The following RXYLT1 variants were observed in gnomAD, a reference collection of about 807,000 sequenced individuals.
RXYLT1 encodes the protein ribitol-5-phosphate xylosyltransferase 1.
Under a neutral mutation model 43.5 loss-of-function variants are expected in RXYLT1, and 41 were observed. The observed-to-expected ratio is 0.94, with a 90% confidence interval of 0.73 to 1.22. RXYLT1 has a LOEUF of 1.22. Ranked by LOEUF, RXYLT1 falls within the 50% of genes most tolerant of loss-of-function variation. The pLI, the probability that RXYLT1 is intolerant of heterozygous loss-of-function variation, is 0.00. For missense variants in RXYLT1, 514 were observed against 532.0 expected, an observed-to-expected ratio of 0.97 and a Z score of 0.33; for synonymous variants, 166 against 194.4, an observed-to-expected ratio of 0.85 and a Z score of 1.21.
intron 3 of RXYLT1, 153 bp downstream of exon 3, chr12:63,785,225 T>C: frequency 4.5e-6 from 2 of 449,230 alleles, no homozygotes; most frequent in Non-Finnish European, 7.6e-6. Flanking sequence ...CTCATGAATA[T>C]GTATTCATAA....
intron 3 of RXYLT1, among the ~76,000 whole-genome samples, chr12:63,792,797 G>A (rs901982804): frequency 6.6e-6 from 1 of 152,226 alleles, no homozygotes; most frequent in African/African-American, 2.4e-5. Flanking sequence ...GACTAGTAAA[G>A]ATGGGATTGA....
chr12:63,787,243 A>G (rs1183770817), intron 3 of RXYLT1, among the ~76,000 whole-genome samples: 4 of 152,192 alleles, frequency 2.6e-5, no homozygotes, highest in Admixed American at 2.6e-4. Flanking sequence ...AGTAGATTCC[A>G]TCTCAGGAAA....
intron 3 of RXYLT1, among the ~76,000 whole-genome samples, chr12:63,792,359 C>G (rs1339002881): frequency 6.6e-6 from 1 of 151,292 alleles, no homozygotes; most frequent in Middle Eastern, 3.2e-3. Flanking sequence ...GAAACTCTTT[C>G]TCTCTCATCA....
At chr12:63,785,878 A>AT (rs1356870819) in intron 3 of RXYLT1, among the ~76,000 whole-genome samples, 1 of 152,108 alleles carries the variant, frequency 6.6e-6, no homozygotes, top group African/African-American at 2.4e-5. Flanking sequence ...GTTAACCTCA[A>AT]TTTTGTTCTA....
chr12:63,780,837 T>TA (rs760419233), intron 1 of RXYLT1, among the ~76,000 whole-genome samples, 182 bp from the exon 2 acceptor site: 2 of 152,204 alleles, frequency 1.3e-5, no homozygotes, highest in Non-Finnish European at 2.9e-5. Context: ...AAAAGTTCAG[T>TA]AAAAAAATTG....
At chr12:63,789,434 C>T (rs1897874593) in intron 3 of RXYLT1, among the ~76,000 whole-genome samples, 1 of 152,146 alleles carries the variant, frequency 6.6e-6, no homozygotes, top group Non-Finnish European at 1.5e-5. Flanking sequence ...CCTCCCACAA[C>T]ATGTGGGAAT....
rs1006565844 is a variant in RXYLT1 at position 63,784,725 on chromosome 12, T to C, written c.326-245T>C. 7.2e-5 allele frequency among the ~76,000 whole-genome samples: 11 copies of C among 152,340 alleles called. No individual in the cohort carries two copies. In the South Asian group the frequency reaches 1.0e-3, roughly 14 times the overall value. On this transcript the variant is annotated intron_variant, in intron 2 of 5. Coordinates refer to ENST00000261234, the MANE Select transcript of RXYLT1 (RefSeq NM_014254.3). Reference sequence around the variant, plus strand: ...TCTCAAATCTAGAGTAGGAGAGGTCTTTAATATTAACTCACATTTTGCCAC... The same window carrying C: ...TCTCAAATCTAGAGTAGGAGAGGTCCTTAATATTAACTCACATTTTGCCAC...
In RXYLT1 at chr12:63,808,506, A is replaced by AT. The variant is rs796479275; in HGVS notation, c.915-164dup. The AT allele has an allele frequency of 4.8e-5, 32 of 672,810 alleles. No homozygotes were observed. The African/African-American group carries it at 5.6e-4, about 12-fold the overall frequency. 41.7% of individuals were successfully genotyped at this position (672,810 alleles called of 1,614,324 possible). A position where few individuals can be genotyped will look rare whatever the true frequency, so the allele number is the denominator to read the frequency against. ...CTGTAAAATGTTCCAATTCTTCAAC[A>AT]TTTTTAAGAAATCTGTTTGGGCCAG... On this transcript the variant is annotated intron_variant, in intron 5 of 5. Transcript: ENST00000261234.
chr12:63,799,976 C>G (rs1898122993), intron 3 of RXYLT1, among the ~76,000 whole-genome samples: 1 of 152,130 alleles, frequency 6.6e-6, no homozygotes, highest in South Asian at 2.1e-4. Context: ...ATTGCCAGTG[C>G]TAGATACTGT....
intron 3 of RXYLT1, among the ~76,000 whole-genome samples, chr12:63,787,209 T>G (rs150648821): frequency 1.3e-5 from 2 of 152,214 alleles, no homozygotes; most frequent in Admixed American, 6.5e-5. Flanking sequence ...TCACCAATGT[T>G]CACAACATTG....
intron 3 of RXYLT1, among the ~76,000 whole-genome samples, chr12:63,799,568 G>A (rs2136230221): frequency 6.6e-6 from 1 of 152,084 alleles, no homozygotes; most frequent in South Asian, 2.1e-4. Flanking sequence ...TGGGATTACA[G>A]GCATGAGCCA....
In RXYLT1 at chr12:63,802,008, G is replaced by C. The variant is rs1044081764; in HGVS notation, c.429-83G>C. On this transcript the variant is annotated intron_variant, in intron 3 of 5. Transcript: ENST00000261234. ...TGGATTAAATCTCATTGTAGATTTT[G>C]TATAAAATGATGAATTTCTGATACC... is the stretch of plus-strand genomic sequence containing the variant. 22 of 1,274,326 alleles carry C rather than the reference G, an allele frequency of 1.7e-5. 1 individual carries two copies. Among genetic ancestry groups the C allele is most frequent in the Non-Finnish European group, 2.4e-5 (22 of 930,496 alleles). The allele number at this position is 1,274,326 out of a possible 1,614,324, so 78.9% of individuals were successfully genotyped here.
chr12:63,795,310 A>G (rs967489449), intron 3 of RXYLT1, among the ~76,000 whole-genome samples: 2 of 151,124 alleles, frequency 1.3e-5, no homozygotes, highest in Admixed American at 6.6e-5. Context: ...GAAGAAGAAG[A>G]AGGGCCAGGC....
At chr12:63,783,936 G>A (rs1275233689) in intron 2 of RXYLT1, among the ~76,000 whole-genome samples, 1 of 151,776 alleles carries the variant, frequency 6.6e-6, no homozygotes, top group Non-Finnish European at 1.5e-5. Flanking sequence ...TTCATTTATG[G>A]CCCCACATCA....
At chr12:63,796,834 A>G (rs1898042490) in intron 3 of RXYLT1, among the ~76,000 whole-genome samples, 1 of 152,044 alleles carries the variant, frequency 6.6e-6, no homozygotes, top group African/African-American at 2.4e-5. Flanking sequence ...TTTAATGTTG[A>G]CCATTCATTA....
chr12:63,780,212 G>A, intron 1 of RXYLT1, 83 bp downstream of exon 1: 1 of 1,392,424 alleles, frequency 7.2e-7, no homozygotes, highest in Non-Finnish European at 9.2e-7. Context: ...CCCCGCACCC[G>A]GCTCTCAAGT....
At chr12:63,786,039 G>A (rs571670666) in intron 3 of RXYLT1, among the ~76,000 whole-genome samples, 2 of 152,118 alleles carry the variant, frequency 1.3e-5, no homozygotes, top group East Asian at 1.9e-4. Flanking sequence ...TGCTTCTGTT[G>A]ATCTAATCCC....
In RXYLT1 at chr12:63,802,288, A is replaced by G; in HGVS notation, c.626A>G (p.Glu209Gly). 1 of 1,614,106 alleles carries G rather than the reference A, an allele frequency of 6.2e-7. No individual in the cohort carries two copies. The highest frequency in any genetic ancestry group is 8.5e-7 in the Non-Finnish European group (1 of 1,180,008). Reference sequence around the variant, plus strand: ...CTCGGAAATGAACATTGTGATAATGAGTGGATAAACCCATTCCTCAAAAGA... The same window carrying G: ...CTCGGAAATGAACATTGTGATAATGGGTGGATAAACCCATTCCTCAAAAGA... ...VLLGNEHCDNEWINPFLKRNG... is the reference protein window; with the variant it reads ...VLLGNEHCDNGWINPFLKRNG... The change falls in exon 4 of 6, where the codon GAG (glutamate) becomes GGG (glycine). Residue 209 changes from glutamate to glycine, a missense_variant. Physicochemically the swap from Glu to Gly is moderately conservative, Grantham distance 98. Coordinates refer to ENST00000261234, the MANE Select transcript of RXYLT1 (RefSeq NM_014254.3).
At chr12:63,789,902 C>T (rs1386411146) in intron 3 of RXYLT1, among the ~76,000 whole-genome samples, 4 of 152,148 alleles carry the variant, frequency 2.6e-5, no homozygotes, top group Non-Finnish European at 5.9e-5. Context: ...TCAGAAGTAA[C>T]GGCTCACCTT....
Sources: allele counts gnomAD v4.1 joint callset (sites outside exome capture counted in the v4.1 genomes callset), GRCh38; gene constraint gnomAD v4.1.1; transcripts MANE v1.5; gene names NCBI Gene and HGNC (gene_info 2026-07-23, HGNC 2026-07-21).